The following ADIPOR2 variants were observed in gnomAD, a reference collection of about 807,000 sequenced individuals.
ADIPOR2 encodes the protein adiponectin receptor 2.
A neutral mutation model predicts 40.9 loss-of-function variants in ADIPOR2; 18 were observed. The observed-to-expected ratio is 0.44, with a 90% CI of 0.30 to 0.65. The LOEUF (loss-of-function observed/expected upper bound fraction) is 0.65, where lower values mean the gene tolerates loss of function less well. ADIPOR2 is among the 30% of genes least tolerant of loss of function. The probability of loss-of-function intolerance (pLI) is 0.09; values close to 1 mark genes in which losing one functional copy is unlikely to be tolerated. For synonymous variants in ADIPOR2, 165 were observed against 166.4 expected (o/e 0.99, Z 0.06); for missense variants, 283 against 479.2 (o/e 0.59, Z 3.82).
At position 1,738,209 on chromosome 12, in the gene ADIPOR2, C is replaced by CAA. The variant is rs56395738; in HGVS notation, c.-86-16029_-86-16028dup. On this transcript the variant is annotated intron_variant, in intron 1 of 7. Coordinates refer to ENST00000357103, the MANE Select transcript of ADIPOR2 (RefSeq NM_024551.3). ...GCAACATGAAGAAACCCTGTCTCTA[C>CAA]AAAAAAAAAAAAAAAAAAAAAGTTA... Among the ~76,000 whole-genome samples the CAA allele has an allele frequency of 4.8e-3, 413 of 85,550 alleles. 5 individuals carry two copies. The highest frequency in any genetic ancestry group is 0.017 in the African/African-American group (316 of 18,408). 56.1% of individuals were successfully genotyped at this position (85,550 alleles called of 152,430 possible).
intron 1 of ADIPOR2, among the ~76,000 whole-genome samples, chr12:1,718,580 A>G (rs964788436): frequency 6.6e-6 from 1 of 152,198 alleles, no homozygotes; most frequent in African/African-American, 2.4e-5. Context: ...TTTTAGATGT[A>G]TGGTTCTGTG....
In ADIPOR2 at chr12:1,746,295, G is replaced by C. The variant is rs144825354; in HGVS notation, c.-86-7963G>C. On this transcript the variant is annotated intron_variant, in intron 1 of 7. Transcript: ENST00000357103. ...AGCACTTTGAGAGGCTGAGGTGTGTGGATCACTTGAGGTAAAACTTCATCT... is the reference window on the plus strand; with the variant it reads ...AGCACTTTGAGAGGCTGAGGTGTGTCGATCACTTGAGGTAAAACTTCATCT... Among the ~76,000 whole-genome samples the C allele has an allele frequency of 3.8e-3, 577 of 151,968 alleles. 2 individuals are homozygous for C. Among genetic ancestry groups the C allele is most frequent in the African/African-American group, 0.013 (547 of 41,448 alleles).
At chr12:1,692,945 A>G (rs766279676) in intron 1 of ADIPOR2, among the ~76,000 whole-genome samples, 24 of 152,254 alleles carry the variant, frequency 1.6e-4, no homozygotes, top group Non-Finnish European at 2.6e-4. Flanking sequence ...ACCTGAGATC[A>G]GGAGTTTGAG....
intron 1 of ADIPOR2, among the ~76,000 whole-genome samples, chr12:1,719,073 G>A (rs1235396878): frequency 2.0e-5 from 3 of 152,036 alleles, no homozygotes; most frequent in Non-Finnish European, 4.4e-5. Context: ...CTCCTTCTCA[G>A]CTACCAACTA....
intron 1 of ADIPOR2, among the ~76,000 whole-genome samples, chr12:1,722,673 G>A (rs1673422682): frequency 6.6e-6 from 1 of 152,170 alleles, no homozygotes; most frequent in South Asian, 2.1e-4. Flanking sequence ...CCACAAGTAA[G>A]GCCCAGATTC....
At chr12:1,747,798 C>G (rs2094759043) in intron 1 of ADIPOR2, among the ~76,000 whole-genome samples, 1 of 152,014 alleles carries the variant, frequency 6.6e-6, no homozygotes, top group Admixed American at 6.5e-5. Context: ...GCTAATCTTA[C>G]TGGGTTCCAT....
intron 1 of ADIPOR2, among the ~76,000 whole-genome samples, chr12:1,738,789 G>A (rs1367071981): frequency 6.6e-6 from 1 of 152,056 alleles, no homozygotes; most frequent in Non-Finnish European, 1.5e-5. Flanking sequence ...AACCATTTTG[G>A]ATATTTTTCT....
chr12:1,777,218 TA>T (rs1862613222), intron 3 of ADIPOR2, among the ~76,000 whole-genome samples: 2 of 410 alleles, frequency 4.9e-3, no homozygotes, highest in Admixed American at 0.17. Context: ...GTCTGTTATA[TA>T]GGTAGGATGA....
At chr12:1,770,222 A>G (rs1592625873) in intron 2 of ADIPOR2, among the ~76,000 whole-genome samples, 1 of 152,208 alleles carries the variant, frequency 6.6e-6, no homozygotes, top group East Asian at 1.9e-4. Context: ...TAGCCTGATA[A>G]TCAGAATTAC....
chr12:1,732,611 CTA>C (rs1206834257), intron 1 of ADIPOR2, among the ~76,000 whole-genome samples: 2 of 152,198 alleles, frequency 1.3e-5, no homozygotes, highest in Non-Finnish European at 2.9e-5. Flanking sequence ...AATAAAGCTA[CTA>C]TAAACACTTG....
At chr12:1,718,529 A>G (rs2094691935) in intron 1 of ADIPOR2, among the ~76,000 whole-genome samples, 1 of 152,170 alleles carries the variant, frequency 6.6e-6, no homozygotes, top group South Asian at 2.1e-4. Flanking sequence ...TAGAAAGTCA[A>G]ATTTGTTGAG....
chr12:1,781,146 T>A (rs1199231835), intron 6 of ADIPOR2, 70 bp downstream of exon 6: 18 of 1,425,016 alleles, frequency 1.3e-5, no homozygotes, highest in Non-Finnish European at 1.6e-5. Context: ...TTTATTAAAG[T>A]TCTACCATTT....
chr12:1,732,348 C>A (rs2094722167), intron 1 of ADIPOR2, among the ~76,000 whole-genome samples: 1 of 152,168 alleles, frequency 6.6e-6, no homozygotes, highest in Non-Finnish European at 1.5e-5. Context: ...AACCACTGAT[C>A]TTTTTACTGT....
intron 3 of ADIPOR2, 45 bp from the exon 4 acceptor site, chr12:1,777,809 T>C (rs765442864): frequency 6.4e-7 from 1 of 1,573,372 alleles, no homozygotes; most frequent in Non-Finnish European, 8.6e-7. Context: ...GTTGGTAAAT[T>C]GACAACTAAA....
chr12:1,726,027 C>T (rs1592590863), intron 1 of ADIPOR2, among the ~76,000 whole-genome samples: 1 of 152,128 alleles, frequency 6.6e-6, no homozygotes, highest in Admixed American at 6.6e-5. Context: ...AAAAATCTCT[C>T]CTGGATTAGT....
At position 1,781,039 on chromosome 12, in the gene ADIPOR2, C is replaced by T. The variant is rs779500080; in HGVS notation, c.801C>T (p.Asp267=). The change falls in exon 6 of 8, where the codon GAC becomes GAT. Residue 267 remains aspartate, a synonymous_variant. Transcript: ENST00000357103. ...CAGCCATTATAGTCTCCCAGTGGGA[C>T]ATGTTTGCCACCCCTCAGTATCGGG... The part of the protein sequence containing the change: ...GIAAIIVSQW[D]MFATPQYRGV... The T allele has an allele frequency of 1.2e-6, 2 of 1,611,636 alleles. No individual in the cohort carries two copies. The highest frequency in any genetic ancestry group is 8.5e-7 in the Non-Finnish European group (1 of 1,179,158).
intron 6 of ADIPOR2, among the ~76,000 whole-genome samples, chr12:1,783,179 C>G (rs962733908): frequency 6.6e-6 from 1 of 151,328 alleles, no homozygotes; most frequent in Non-Finnish European, 1.5e-5. Context: ...GTGATGTGAT[C>G]ATTCATCGCC....
intron 2 of ADIPOR2, among the ~76,000 whole-genome samples, chr12:1,760,489 AC>A (rs1330262923): frequency 6.6e-6 from 1 of 151,780 alleles, no homozygotes; most frequent in Non-Finnish European, 1.5e-5. Context: ...TCCCATCTCT[AC>A]CCCCAACCCT....
chr12:1,701,457 A>G (rs1471642349), intron 1 of ADIPOR2, among the ~76,000 whole-genome samples: 1 of 152,174 alleles, frequency 6.6e-6, no homozygotes. Flanking sequence ...TGTAATTACT[A>G]CATGGGTATA....
Sources: allele counts gnomAD v4.1 joint callset (sites outside exome capture counted in the v4.1 genomes callset), GRCh38; gene constraint gnomAD v4.1.1; transcripts MANE v1.5; gene names NCBI Gene and HGNC (gene_info 2026-07-23, HGNC 2026-07-21).